The following CCSER1 variants were observed in gnomAD, a reference collection of about 807,000 sequenced individuals.
The protein encoded by CCSER1 is coiled-coil serine rich protein 1.
A neutral mutation model predicts 82.0 loss-of-function variants in CCSER1; 41 were observed. The observed-to-expected ratio is 0.50, with a 90% CI of 0.39 to 0.65. CCSER1 has a LOEUF of 0.65. Among genes scored for constraint, CCSER1 ranks in the 30% least tolerant of loss-of-function variants. CCSER1 has a pLI of 0.00. For synonymous variants in CCSER1, 414 were observed against 383.9 expected (o/e 1.08, Z -0.92); for missense variants, 1,119 against 1,064.2 (o/e 1.05, Z -0.72).
chr4:90,590,184 G>T (rs1782521849), intron 5 of CCSER1, among the ~76,000 whole-genome samples: 1 of 152,186 alleles, frequency 6.6e-6, no homozygotes, highest in African/African-American at 2.4e-5. Context: ...TGAGGCAAGA[G>T]AGTTGCTTGA....
At chr4:90,766,288 A>G (rs1313798180) in intron 7 of CCSER1, among the ~76,000 whole-genome samples, 1 of 152,146 alleles carries the variant, frequency 6.6e-6, no homozygotes, top group Non-Finnish European at 1.5e-5. Flanking sequence ...TGTCCACATA[A>G]TTTCCCAAGT....
intron 10 of CCSER1, among the ~76,000 whole-genome samples, chr4:91,580,333 AT>A (rs1285753841): frequency 6.6e-6 from 1 of 151,816 alleles, no homozygotes; most frequent in South Asian, 2.1e-4. Context: ...TCAGCCTAGT[AT>A]TTCCTGTGTG....
intron 10 of CCSER1, among the ~76,000 whole-genome samples, chr4:91,573,808 C>G (rs1391395314): frequency 6.6e-6 from 1 of 152,130 alleles, no homozygotes; most frequent in Non-Finnish European, 1.5e-5. Flanking sequence ...TGCACACTAG[C>G]TGCTTCTAGT....
chr4:90,385,067 C>T (rs1749803464), intron 3 of CCSER1, among the ~76,000 whole-genome samples: 2 of 152,116 alleles, frequency 1.3e-5, no homozygotes, highest in African/African-American at 2.4e-5. Context: ...TTATTTCATT[C>T]TTTTTTATGG....
At chr4:90,173,346 A>G (rs1341920369) in intron 1 of CCSER1, among the ~76,000 whole-genome samples, 1 of 151,730 alleles carries the variant, frequency 6.6e-6, no homozygotes, top group Non-Finnish European at 1.5e-5. Context: ...TTTCAAAAAA[A>G]AAATGATTCT....
intron 10 of CCSER1, among the ~76,000 whole-genome samples, chr4:91,289,879 CAG>C (rs980142552): frequency 6.6e-6 from 1 of 151,826 alleles, no homozygotes; most frequent in African/African-American, 2.4e-5. Flanking sequence ...AAAGAACAAA[CAG>C]ATAAAAAACA....
chr4:90,192,149 G>C (rs1277607610), intron 1 of CCSER1, among the ~76,000 whole-genome samples: 3 of 152,012 alleles, frequency 2.0e-5, no homozygotes, highest in African/African-American at 7.2e-5. Flanking sequence ...TCAGAATCAT[G>C]GTGGAAGTCA....
At chr4:91,322,106 G>T (rs1746238064) in intron 10 of CCSER1, among the ~76,000 whole-genome samples, 1 of 151,994 alleles carries the variant, frequency 6.6e-6, no homozygotes, top group South Asian at 2.1e-4. Context: ...ACATTTATAG[G>T]AAAAACAATG....
chr4:91,153,444 A>G (rs1446400738), intron 10 of CCSER1, among the ~76,000 whole-genome samples: 1 of 151,862 alleles, frequency 6.6e-6, no homozygotes, highest in Non-Finnish European at 1.5e-5. Context: ...CTTCTTTGCA[A>G]TGGGTTCAGA....
At position 90,685,286 on chromosome 4, in the gene CCSER1, C is replaced by T. The variant is rs147302725; in HGVS notation, c.1933-38628C>T. Among the ~76,000 whole-genome samples, 90 of 152,156 alleles carry T rather than the reference C, an allele frequency of 5.9e-4. 1 individual carries two copies. In the East Asian group the frequency reaches 0.014, roughly 24 times the overall value. ...TGTTTCCAAGCAACACTTCCAGACT[C>T]AGCCATATCAAAGAAAAAGAGGAAC... On this transcript the variant is annotated intron_variant, in intron 6 of 10. Coordinates refer to ENST00000509176, the MANE Select transcript of CCSER1 (RefSeq NM_001145065.2).
intron 1 of CCSER1, among the ~76,000 whole-genome samples, chr4:90,208,703 G>A (rs1232374983): frequency 6.6e-6 from 1 of 152,166 alleles, no homozygotes; most frequent in African/African-American, 2.4e-5. Context: ...ATCTGGGCCA[G>A]AATGCACTGT....
chr4:90,918,321 T>A (rs1727823328), intron 8 of CCSER1: 1 of 445,606 alleles, frequency 2.2e-6, no homozygotes, highest in Non-Finnish European at 4.5e-6. Flanking sequence ...CATCAACTTT[T>A]ATGTAGGTAA....
chr4:91,108,080 A>G (rs1335849223), intron 10 of CCSER1: 1 of 152,232 alleles, frequency 6.6e-6, no homozygotes, highest in Non-Finnish European at 1.5e-5. Flanking sequence ...CTTATCTTTC[A>G]TTGATTAAAA....
intron 10 of CCSER1, among the ~76,000 whole-genome samples, chr4:91,546,147 G>A (rs1761878293): frequency 2.0e-5 from 3 of 152,046 alleles, no homozygotes; most frequent in Admixed American, 1.3e-4. Context: ...TTAATATGGT[G>A]TATATTTTTA....
intron 5 of CCSER1, among the ~76,000 whole-genome samples, chr4:90,472,858 A>G (rs1354242143): frequency 6.6e-6 from 1 of 152,292 alleles, no homozygotes; most frequent in Middle Eastern, 3.4e-3. Context: ...AAAATGTGGT[A>G]TATATACACC....
chr4:91,309,394 A>G (rs906324376), intron 10 of CCSER1, among the ~76,000 whole-genome samples: 3 of 152,104 alleles, frequency 2.0e-5, no homozygotes, highest in Non-Finnish European at 4.4e-5. Flanking sequence ...ACGTGCTCAC[A>G]TGAATGAGCT....
intron 8 of CCSER1, among the ~76,000 whole-genome samples, chr4:90,865,765 T>C (rs1451676862): frequency 2.0e-5 from 3 of 152,034 alleles, no homozygotes; most frequent in Non-Finnish European, 2.9e-5. Context: ...TTTATTTCCT[T>C]ATCCCTCTCC....
intron 10 of CCSER1, among the ~76,000 whole-genome samples, chr4:91,310,784 G>T (rs1011802533): frequency 1.3e-5 from 2 of 151,794 alleles, no homozygotes; most frequent in African/African-American, 4.8e-5. Context: ...CTGTGGCCCA[G>T]GACAGCTTTG....
chr4:90,257,213 T>TCATA (rs140587839), intron 1 of CCSER1, among the ~76,000 whole-genome samples: 6,589 of 150,174 alleles, frequency 0.044, 184 homozygotes, highest in Non-Finnish European at 0.061. Context: ...AAATGAAATG[T>TCATA]TATATATATA....
Sources: gnomAD v4.1 joint callset for allele counts (sites outside exome capture counted in the v4.1 genomes callset) on GRCh38, gnomAD v4.1.1 for gene constraint, MANE v1.5 for transcripts, NCBI Gene and HGNC (gene_info 2026-07-23, HGNC 2026-07-21) for gene names.